The following CARM1 variants were observed in gnomAD, a reference collection of about 807,000 sequenced individuals.
CARM1 encodes the protein histone-arginine methyltransferase CARM1.
Under a neutral mutation model 72.7 loss-of-function variants are expected in CARM1, and 14 were observed. That is an observed-to-expected ratio of 0.19 (90% CI 0.13 to 0.30). The LOEUF is 0.30. Ranked by LOEUF, CARM1 falls within the 10% of genes least tolerant of loss-of-function variation. CARM1 has a pLI of 1.00. For synonymous variants in CARM1, 333 were observed against 345.5 expected, an observed-to-expected ratio of 0.96 and a Z score of 0.40; for missense variants, 432 against 833.7, an observed-to-expected ratio of 0.52 and a Z score of 5.93.
chr19:10,902,667 G>A lies in CARM1; in HGVS notation c.221-2284G>A, dbSNP rs778370749. On this transcript the variant is annotated intron_variant, in intron 1 of 15. Coordinates refer to ENST00000327064, the MANE Select transcript of CARM1 (RefSeq NM_199141.2). ...CTTGTCACCCAGGCTAGAGTGCAGC[G>A]TTGCCATCTCTGCTCACTGCAGTGT... Among the ~76,000 whole-genome samples, 34 of 149,880 alleles carry A rather than the reference G, an allele frequency of 2.3e-4. No individual in the cohort carries two copies. The South Asian group carries it at 5.3e-3, about 23-fold the overall frequency.
rs1456460309 is a variant in CARM1, at chr19:10,915,744, C to A, written c.848-663C>A. 3.3e-5 allele frequency among the ~76,000 whole-genome samples: 5 copies of A among 152,160 alleles called. No homozygotes were observed. The East Asian group carries it at 9.7e-4, about 29-fold the overall frequency. On this transcript the variant is annotated intron_variant, in intron 6 of 15. Transcript: ENST00000327064. The surrounding 1 kb of genome is among the most constrained non-coding windows in gnomAD (Gnocchi z 4.6). The stretch of plus-strand genomic sequence containing the variant: ...TCTGGAGGCCAGGTGCTCCTTGGGG[C>A]AGGCGGGGCTGCGGGGCCCTGATCC...
chr19:10,890,599 A>G (rs1250084491), intron 1 of CARM1, among the ~76,000 whole-genome samples: 10 of 150,950 alleles, frequency 6.6e-5, no homozygotes, highest in Non-Finnish European at 1.3e-4. Flanking sequence ...GTGGTGGTAC[A>G]TACCTGTGGT....
In CARM1 at chr19:10,922,489, TAG is replaced by T. The variant is rs899916252; in HGVS notation, c.*735_*736del. The T allele has an allele frequency of 2.6e-5, 3 of 114,222 alleles. No individual in the cohort carries two copies. Among genetic ancestry groups the T allele is most frequent in the African/African-American group, 3.5e-5 (1 of 28,716 alleles). The allele number at this position is 114,222 out of a possible 1,614,324, so 7.1% of individuals were successfully genotyped here. On this transcript the variant is annotated 3_prime_UTR_variant, in exon 16 of 16. Transcript: ENST00000327064. ...CCCCCCCGCCCCCCCACTCAAGAGT[TAG>T]AGCAGGTGGCTGCAGGCCTTGGGCC... is the stretch of plus-strand genomic sequence containing the variant.
Position 10,916,580 on chromosome 19 carries a change from C to A in CARM1, c.938+83C>A. On this transcript the variant is annotated intron_variant, in intron 7 of 15. Transcript: ENST00000327064. The surrounding 1 kb of genome is among the most constrained non-coding windows in gnomAD (Gnocchi z 4.4). ...CCCAGCTCCCCAGAGAGCCTGCACT[C>A]CTCTTTTTCTGAAAGACTTGGGCTA... 7.1e-7 allele frequency: 1 copy of A among 1,407,800 alleles called. No homozygotes were observed. Among genetic ancestry groups the A allele is most frequent in the East Asian group, 2.3e-5 (1 of 42,740 alleles). 87.2% of individuals were successfully genotyped at this position (1,407,800 alleles called of 1,614,324 possible). A position where few individuals can be genotyped will look rare whatever the true frequency, so the allele number is the denominator to read the frequency against.
At chr19:10,881,348 G>A (rs2073900932) in intron 1 of CARM1, among the ~76,000 whole-genome samples, 1 of 152,186 alleles carries the variant, frequency 6.6e-6, no homozygotes, top group Admixed American at 6.5e-5. Flanking sequence ...CTTCTCAGAA[G>A]GATCTGTGAC....
At chr19:10,911,996 T>C (rs977537623) in intron 4 of CARM1, among the ~76,000 whole-genome samples, 188 bp from the exon 5 acceptor site, 3 of 152,156 alleles carry the variant, frequency 2.0e-5, no homozygotes, top group Non-Finnish European at 2.9e-5. Flanking sequence ...CCCCAGGGCT[T>C]CTCCTCCCGG....
In CARM1 at chr19:10,916,180, C is replaced by T. The variant is rs985671556; in HGVS notation, c.848-227C>T. Among the ~76,000 whole-genome samples, 1 of 152,222 alleles carries T rather than the reference C, an allele frequency of 6.6e-6. No individual in the cohort carries two copies. Among genetic ancestry groups the T allele is most frequent in the East Asian group, 1.9e-4 (1 of 5,194 alleles). On this transcript the variant is annotated intron_variant, in intron 6 of 15. Transcript: ENST00000327064. This position sits in a 1 kb window ranked among gnomAD's most constrained non-coding sequence, Gnocchi z 4.4. ...GGACATAAAGATGAGCCACCAGCCTCCCAGTCTCAGGTGGAATTCGTGAGC... is the reference window on the plus strand; with the variant it reads ...GGACATAAAGATGAGCCACCAGCCTTCCAGTCTCAGGTGGAATTCGTGAGC...
chr19:10,871,954 C>G lies in CARM1; in HGVS notation c.220+32C>G, dbSNP rs1399683840. ...ACGGGGCCCCGGGGCAGGCGCAGGGCCGGGGCTGCTCACGAGGCCGGCCCG... is the reference window on the plus strand; with the variant it reads ...ACGGGGCCCCGGGGCAGGCGCAGGGGCGGGGCTGCTCACGAGGCCGGCCCG... On this transcript the variant is annotated intron_variant, in intron 1 of 15. Transcript: ENST00000327064. This position sits in a 1 kb window ranked among gnomAD's most constrained non-coding sequence, Gnocchi z 5.6. 8.5e-7 allele frequency: 1 copy of G among 1,172,990 alleles called. No individual in the cohort carries two copies. Among genetic ancestry groups the G allele is most frequent in the Non-Finnish European group, 1.1e-6 (1 of 950,042 alleles). 72.7% of individuals were successfully genotyped at this position (1,172,990 alleles called of 1,614,324 possible). A position where few individuals can be genotyped will look rare whatever the true frequency, so the allele number is the denominator to read the frequency against.
At chr19:10,921,337 C>G in intron 14 of CARM1, 38 bp from the exon 15 acceptor site, 7 of 1,608,038 alleles carry the variant, frequency 4.4e-6, no homozygotes, top group Non-Finnish European at 5.1e-6. Flanking sequence ...GGCGGTGACG[C>G]CGTCTCCCTT....
chr19:10,871,688 G>T lies in CARM1; in HGVS notation c.-15G>T. On this transcript the variant is annotated 5_prime_UTR_variant, in exon 1 of 16. Coordinates refer to ENST00000327064, the MANE Select transcript of CARM1 (RefSeq NM_199141.2). The surrounding 1 kb of genome is among the most constrained non-coding windows in gnomAD (Gnocchi z 5.6). ...CGCAGCGGCGGCGGCGGCGGGGCCTGGAGCCGGATCTAAGATGGCAGCGGC... is the reference window on the plus strand; with the variant it reads ...CGCAGCGGCGGCGGCGGCGGGGCCTTGAGCCGGATCTAAGATGGCAGCGGC... 1.3e-6 allele frequency: 1 copy of T among 763,758 alleles called. No homozygotes were observed. The highest frequency in any genetic ancestry group is 1.6e-6 in the Non-Finnish European group (1 of 630,020). 47.3% of individuals were successfully genotyped at this position (763,758 alleles called of 1,614,324 possible). A position where few individuals can be genotyped will look rare whatever the true frequency, so the allele number is the denominator to read the frequency against.
intron 14 of CARM1, 121 bp from the exon 15 acceptor site, chr19:10,921,254 C>T: frequency 7.0e-7 from 1 of 1,432,486 alleles, no homozygotes; most frequent in Non-Finnish European, 9.8e-7. Context: ...TTCCTGGGGG[C>T]TCTCGGCCGA....
At position 10,920,157 on chromosome 19, in the gene CARM1, T is replaced by C. The variant is rs1193317510; in HGVS notation, c.1196+191T>C. Among the ~76,000 whole-genome samples, 4 of 151,972 alleles carry C rather than the reference T, an allele frequency of 2.6e-5. No individual in the cohort carries two copies. Among genetic ancestry groups the C allele is most frequent in the African/African-American group, 4.8e-5 (2 of 41,354 alleles). ...GTGTGTGTGTGTATGTGTGTGTGTG[T>C]CCTGTGTTCCCAGTGTCTGTCCCTC... On this transcript the variant is annotated intron_variant, in intron 10 of 15. Coordinates refer to ENST00000327064, the MANE Select transcript of CARM1 (RefSeq NM_199141.2). This position sits in a 1 kb window ranked among gnomAD's most constrained non-coding sequence, Gnocchi z 5.3.
rs1232279679 is a variant in CARM1 at position 10,920,956 on chromosome 19, G to C, written c.1537+10G>C. The C allele has an allele frequency of 3.1e-6, 5 of 1,613,762 alleles. No homozygotes were observed. The African/African-American group carries it at 5.3e-5, about 17-fold the overall frequency. ...GGGATGGCCGTGGCAGGTGAGCAGG[G>C]CCCACCCCAATGCCCAGCCAACCCG... On this transcript the variant is annotated intron_variant, in intron 13 of 15. Coordinates refer to ENST00000327064, the MANE Select transcript of CARM1 (RefSeq NM_199141.2). This position sits in a 1 kb window ranked among gnomAD's most constrained non-coding sequence, Gnocchi z 5.3.
chr19:10,922,852 G>A lies in CARM1; in HGVS notation c.*1095G>A, dbSNP rs543145800. On this transcript the variant is annotated 3_prime_UTR_variant, in exon 16 of 16. Transcript: ENST00000327064. ...AGATGCTGGAGCTCAGGCCCGCCGT[G>A]TGTGCACCCAGGCAGGAGCGGGCGC... is the stretch of plus-strand genomic sequence containing the variant. 2.8e-3 allele frequency: 440 copies of A among 158,388 alleles called. 1 individual carries two copies. The highest frequency in any genetic ancestry group is 9.6e-3 in the African/African-American group (400 of 41,754). The allele number at this position is 158,388 out of a possible 1,614,324, so 9.8% of individuals were successfully genotyped here. A position where few individuals can be genotyped will look rare whatever the true frequency, so the allele number is the denominator to read the frequency against.
intron 1 of CARM1, among the ~76,000 whole-genome samples, chr19:10,892,043 C>G (rs2073992072): frequency 6.6e-6 from 1 of 152,220 alleles, no homozygotes; most frequent in African/African-American, 2.4e-5. Context: ...ATCTGTACAC[C>G]TGTGGTGCGT....
At chr19:10,875,300 C>T (rs2073854503) in intron 1 of CARM1, among the ~76,000 whole-genome samples, 1 of 152,024 alleles carries the variant, frequency 6.6e-6, no homozygotes, top group Non-Finnish European at 1.5e-5. Flanking sequence ...CTGCGTCTGT[C>T]TTCACTCCTG....
intron 1 of CARM1, among the ~76,000 whole-genome samples, chr19:10,891,903 A>G (rs7254708): frequency 0.91 from 138,484 of 152,306 alleles, 63,202 homozygotes; most frequent in East Asian, 1. Flanking sequence ...CACAATGGCA[A>G]AGGAGGGTGC....
At chr19:10,919,545 C>T (rs759746386) in intron 8 of CARM1, 50 bp from the exon 9 acceptor site, 1 of 1,366,638 alleles carries the variant, frequency 7.3e-7, no homozygotes, top group Non-Finnish European at 1.0e-6. Context: ...TCTCCCCTCC[C>T]ATGCTGGCCC....
At chr19:10,875,713 C>T (rs908054796) in intron 1 of CARM1, among the ~76,000 whole-genome samples, 6 of 151,572 alleles carry the variant, frequency 4.0e-5, no homozygotes, top group East Asian at 2.0e-4. Flanking sequence ...CTTGAGCCAC[C>T]GTGCCCGGCC....
Sources: allele counts gnomAD v4.1 joint callset (sites outside exome capture counted in the v4.1 genomes callset), GRCh38; gene constraint gnomAD v4.1.1; non-coding constraint Gnocchi (gnomAD v3.1); transcripts MANE v1.5; gene names NCBI Gene and HGNC (gene_info 2026-07-23, HGNC 2026-07-21).